The following KANSL1L variants were observed in gnomAD, a reference collection of about 807,000 sequenced individuals.
KANSL1L encodes the protein KAT8 regulatory NSL complex subunit 1-like protein.
Under a neutral mutation model 108.6 loss-of-function variants are expected in KANSL1L, and 25 were observed. That is an observed-to-expected ratio of 0.23 (90% CI 0.17 to 0.32). The LOEUF (loss-of-function observed/expected upper bound fraction) is 0.32. Among genes scored for constraint, KANSL1L ranks in the 10% least tolerant of loss-of-function variants. The pLI is 1.00. For missense variants in KANSL1L, 1,137 were observed against 1,125.7 expected, an observed-to-expected ratio of 1.01 and a Z score of -0.14; for synonymous variants, 405 against 395.1, an observed-to-expected ratio of 1.03 and a Z score of -0.30.
At chr2:210,067,716 CA>C (rs569072484) in intron 6 of KANSL1L, among the ~76,000 whole-genome samples, 144 of 92,896 alleles carry the variant, frequency 1.6e-3, no homozygotes, top group African/African-American at 6.3e-3. Context: ...ACCCTGTCTC[CA>C]AAAAAAAAAA....
intron 5 of KANSL1L, among the ~76,000 whole-genome samples, chr2:210,084,354 G>A (rs900504893): frequency 6.6e-6 from 1 of 151,772 alleles, no homozygotes; most frequent in African/African-American, 2.4e-5. Context: ...CCCAGGAAAT[G>A]GAGGTTGCAG....
intron 6 of KANSL1L, among the ~76,000 whole-genome samples, chr2:210,070,344 C>T (rs1246839115): frequency 6.8e-6 from 1 of 147,584 alleles, no homozygotes; most frequent in Non-Finnish European, 1.5e-5. Context: ...CATTCTCCTG[C>T]CTCAGCCCCC....
chr2:210,162,871 TG>T (rs1289874708), intron 1 of KANSL1L, among the ~76,000 whole-genome samples: 1 of 152,200 alleles, frequency 6.6e-6, no homozygotes, highest in East Asian at 1.9e-4. Context: ...AGGAATGTAT[TG>T]CTTTTAAAAG....
At chr2:210,151,646 C>T (rs1371168306) in intron 2 of KANSL1L, 2 of 152,142 alleles carry the variant, frequency 1.3e-5, no homozygotes, top group Non-Finnish European at 2.9e-5. Context: ...TTATTTAACC[C>T]ATGCTGAGTC....
chr2:210,140,844 T>C lies in KANSL1L; in HGVS notation c.1089-11672A>G, dbSNP rs922588241. Among the ~76,000 whole-genome samples the C allele has an allele frequency of 4.1e-5, 6 of 147,232 alleles. No homozygotes were observed. The East Asian group carries it at 1.2e-3, about 28-fold the overall frequency. On this transcript the variant is annotated intron_variant, in intron 2 of 14. Coordinates refer to ENST00000281772, the MANE Select transcript of KANSL1L (RefSeq NM_152519.4). ...ATTCATGTTTAGTTGTTGGTGTACA[T>C]ATCTTTCACCACCATGGTTAAATTT...
At chr2:210,126,460 C>T (rs529026474) in intron 3 of KANSL1L, among the ~76,000 whole-genome samples, 1 of 152,156 alleles carries the variant, frequency 6.6e-6, no homozygotes, top group Non-Finnish European at 1.5e-5. Flanking sequence ...AGAAAAAAAA[C>T]TTATCCTAAA....
chr2:210,154,597 A>G lies in KANSL1L; in HGVS notation c.-15T>C, dbSNP rs199528002. 303 of 1,463,276 alleles carry G rather than the reference A, an allele frequency of 2.1e-4. No homozygotes were observed. The Middle Eastern group carries it at 3.3e-3, about 16-fold the overall frequency. 90.6% of individuals were successfully genotyped at this position (1,463,276 alleles called of 1,614,324 possible). A position where few individuals can be genotyped will look rare whatever the true frequency, so the allele number is the denominator to read the frequency against. On this transcript the variant is annotated 5_prime_UTR_variant, in exon 2 of 15. Coordinates refer to ENST00000281772, the MANE Select transcript of KANSL1L (RefSeq NM_152519.4). ...GCTGGGGTCATGGCGATTCCTGTAG[A>G]TAAGTATTGGAAACCTACAATAATG...
chr2:210,062,403 T>C (rs1056512709), intron 6 of KANSL1L, among the ~76,000 whole-genome samples: 1 of 152,150 alleles, frequency 6.6e-6, no homozygotes, highest in Non-Finnish European at 1.5e-5. Context: ...ATACAGTAAA[T>C]TGGTATCAAT....
rs574842208 is a variant in KANSL1L, at chr2:210,111,701, CT to C, written c.1231-7401del. On this transcript the variant is annotated intron_variant, in intron 3 of 14. Coordinates refer to ENST00000281772, the MANE Select transcript of KANSL1L (RefSeq NM_152519.4). ...CAGAACATCAAATAAACAAGAACATCTTTTTTTTTCTTTTTTTTAACTTTTT... is the reference window on the plus strand; with the variant it reads ...CAGAACATCAAATAAACAAGAACATCTTTTTTTTCTTTTTTTTAACTTTTT... Among the ~76,000 whole-genome samples, 20 of 151,116 alleles carry C rather than the reference CT, an allele frequency of 1.3e-4. No homozygotes were observed. The South Asian group carries it at 2.7e-3, about 21-fold the overall frequency.
intron 5 of KANSL1L, chr2:210,079,937 G>C (rs1453311737): frequency 6.6e-6 from 1 of 151,260 alleles, no homozygotes; most frequent in Non-Finnish European, 1.5e-5. Context: ...GGGAAGTAGT[G>C]AGAGTGGGTT....
At chr2:210,127,798 C>CAAAAAA (rs55979027) in intron 3 of KANSL1L, among the ~76,000 whole-genome samples, 14 of 28,114 alleles carry the variant, frequency 5.0e-4, no homozygotes, top group East Asian at 1.0e-3. Flanking sequence ...GACTCTGCCT[C>CAAAAAA]AAAAAAAAAA....
At chr2:210,106,184 G>A (rs981967421) in intron 3 of KANSL1L, among the ~76,000 whole-genome samples, 3 of 152,034 alleles carry the variant, frequency 2.0e-5, no homozygotes, top group Non-Finnish European at 4.4e-5. Context: ...CTCTCACTAG[G>A]TTTCTCCACA....
chr2:210,154,410 A>C lies in KANSL1L; in HGVS notation c.173T>G (p.Leu58Arg), dbSNP rs777147277. 2 of 1,612,360 alleles carry C rather than the reference A, an allele frequency of 1.2e-6. No individual in the cohort carries two copies. Among genetic ancestry groups the C allele is most frequent in the Non-Finnish European group, 1.7e-6 (2 of 1,179,346 alleles). ...MLGFPTPEPT[L>R]NTNFVNLKHF... ...TTTTAAATTCACAAAATTAGTATTA[A>C]GAGTAGGTTCAGGAGTTGGAAATCC... Residue 58 changes from leucine to arginine, a missense_variant, in exon 2 of 15, where the codon CTT becomes CGT. By Grantham distance (102) the Leu-to-Arg change is moderately radical. Transcript: ENST00000281772.
In KANSL1L at chr2:210,085,871, G is replaced by A. The variant is rs553677222; in HGVS notation, c.1551-10115C>T. 7.3e-5 allele frequency among the ~76,000 whole-genome samples: 11 copies of A among 149,878 alleles called. No individual in the cohort carries two copies. In the South Asian group the frequency reaches 2.3e-3, roughly 31 times the overall value. ...TATTAGGTTTTAGGCTTATATTAGA[G>A]TTATAAAGGAAAAAGTAAACTATGT... On this transcript the variant is annotated intron_variant, in intron 5 of 14. Coordinates refer to ENST00000281772, the MANE Select transcript of KANSL1L (RefSeq NM_152519.4).
Position 210,040,450 on chromosome 2 carries a change from C to T in KANSL1L, c.1999G>A (p.Val667Ile), listed in dbSNP as rs1478118431. The T allele has an allele frequency of 1.9e-6, 3 of 1,542,592 alleles. No individual in the cohort carries two copies. The highest frequency in any genetic ancestry group is 1.8e-6 in the Non-Finnish European group (2 of 1,118,756). The change falls in exon 8 of 15, where the codon GTA (valine) becomes ATA (isoleucine). Residue 667 changes from valine (V) to isoleucine (I), a missense_variant. This residue lies in a region of KANSL1L where 575 missense variants were observed against 567.1 expected (regional missense o/e 1.01). Transcript: ENST00000281772. ...GATGGAGATATGATATATTCATCTACAAATTTATTTTCAGCAAGATTGCCT... is the reference window on the plus strand; with the variant it reads ...GATGGAGATATGATATATTCATCTATAAATTTATTTTCAGCAAGATTGCCT... Reference protein sequence around the residue: ...IKGNLAENKFVDEYIISPSPV... With the variant: ...IKGNLAENKFIDEYIISPSPV...
intron 5 of KANSL1L, among the ~76,000 whole-genome samples, chr2:210,091,487 C>G (rs1195694336): frequency 2.0e-5 from 3 of 152,154 alleles, no homozygotes. Context: ...TACTCTTCCA[C>G]TTTCCCATAA....
chr2:210,031,337 A>C, intron 9 of KANSL1L, 84 bp downstream of exon 9: 1 of 918,014 alleles, frequency 1.1e-6, no homozygotes, highest in Non-Finnish European at 1.7e-6. Flanking sequence ...CTGGATTATA[A>C]ACTCCCATGA....
chr2:210,161,378 GA>G (rs1004198956), intron 1 of KANSL1L, among the ~76,000 whole-genome samples: 6 of 149,472 alleles, frequency 4.0e-5, no homozygotes, highest in East Asian at 3.9e-4. Flanking sequence ...CATCCATAGG[GA>G]AAAAAAAATG....
At chr2:210,024,225 C>CAATT in intron 13 of KANSL1L, 24 bp from the exon 14 acceptor site, 1 of 1,513,972 alleles carries the variant, frequency 6.6e-7, no homozygotes, top group Non-Finnish European at 8.9e-7. Context: ...CAGGAAAACA[C>CAATT]AATTATTTTT....
Sources: gnomAD v4.1 joint callset for allele counts (sites outside exome capture counted in the v4.1 genomes callset) on GRCh38, gnomAD v4.1.1 for gene constraint, gnomAD v4.1.1 regional missense constraint, MANE v1.5 for transcripts, NCBI Gene and HGNC (gene_info 2026-07-23, HGNC 2026-07-21) for gene names.